FUT8: variants seen among roughly 807,000 people sequenced by gnomAD.
FUT8 encodes fucosyltransferase 8.
Under a neutral mutation model 71.3 loss-of-function variants are expected in FUT8, and 29 were observed. The ratio of observed to expected loss-of-function variants is 0.41; its 90% confidence interval spans 0.30 to 0.55. The LOEUF (loss-of-function observed/expected upper bound fraction) is 0.55. Ranked by LOEUF, FUT8 falls within the 20% of genes least tolerant of loss-of-function variation. The pLI is 0.34. For synonymous variants in FUT8, 254 were observed against 239.3 expected (o/e 1.06, Z -0.57); for missense variants, 544 against 702.1 (o/e 0.77, Z 2.55).
intron 6 of FUT8, among the ~76,000 whole-genome samples, chr14:65,658,309 G>C (rs927766130): frequency 1.4e-4 from 22 of 152,182 alleles, no homozygotes; most frequent in Admixed American, 1.2e-3. Flanking sequence ...CAAGAATGTG[G>C]AACAACCAGC....
chr14:65,596,297 AACT>A (rs1320156905), intron 3 of FUT8, among the ~76,000 whole-genome samples: 1 of 152,228 alleles, frequency 6.6e-6, no homozygotes, highest in Non-Finnish European at 1.5e-5. Flanking sequence ...CTATAATAAA[AACT>A]ACATCTTTTT....
At chr14:65,441,809 T>A (rs1040547536) in intron 1 of FUT8, among the ~76,000 whole-genome samples, 4 of 151,468 alleles carry the variant, frequency 2.6e-5, no homozygotes, top group Non-Finnish European at 4.4e-5. Context: ...TTTTTTTTTT[T>A]TAATTATACT....
intron 3 of FUT8, among the ~76,000 whole-genome samples, chr14:65,567,477 G>T (rs529591302): frequency 6.6e-6 from 1 of 151,962 alleles, no homozygotes; most frequent in East Asian, 1.9e-4. Flanking sequence ...GGTTGCCTTT[G>T]TTCTAGTTGG....
intron 3 of FUT8, among the ~76,000 whole-genome samples, chr14:65,606,046 A>G (rs965319959): frequency 2.7e-5 from 4 of 148,744 alleles, no homozygotes; most frequent in African/African-American, 4.9e-5. Context: ...TGACTTGTCT[A>G]TTAATTTTAT....
chr14:65,486,253 A>AT (rs951089915), intron 2 of FUT8, among the ~76,000 whole-genome samples: 8 of 152,152 alleles, frequency 5.3e-5, no homozygotes, highest in African/African-American at 1.9e-4. Flanking sequence ...TTTAAAAGGT[A>AT]TTTTTTTCCA....
chr14:65,701,524 A>T (rs1894294561), intron 7 of FUT8, among the ~76,000 whole-genome samples: 1 of 152,180 alleles, frequency 6.6e-6, no homozygotes, highest in Admixed American at 6.5e-5. Context: ...TCATTCTCTA[A>T]GGGTATTATT....
chr14:65,547,788 C>T (rs1594758743), intron 2 of FUT8, among the ~76,000 whole-genome samples: 1 of 151,784 alleles, frequency 6.6e-6, no homozygotes, highest in East Asian at 1.9e-4. Context: ...TCACTGTATA[C>T]TCTTTGCCCA....
intron 3 of FUT8, among the ~76,000 whole-genome samples, chr14:65,611,510 G>A (rs1322712529): frequency 2.0e-5 from 3 of 151,020 alleles, no homozygotes; most frequent in Non-Finnish European, 4.4e-5. Context: ...CACTTAATTG[G>A]AGTTTCATTT....
intron 3 of FUT8, among the ~76,000 whole-genome samples, chr14:65,592,333 AT>A (rs995382865): frequency 6.6e-6 from 1 of 151,672 alleles, no homozygotes; most frequent in African/African-American, 2.4e-5. Context: ...CCTATTATCT[AT>A]TTTTTTTCCT....
intron 7 of FUT8, among the ~76,000 whole-genome samples, chr14:65,684,470 A>G (rs1335781459): frequency 6.6e-6 from 1 of 152,278 alleles, no homozygotes; most frequent in African/African-American, 2.4e-5. Context: ...CCCTCTATCT[A>G]CTCATGTCAT....
At chr14:65,568,830 TA>T (rs1188330979) in intron 3 of FUT8, among the ~76,000 whole-genome samples, 1 of 151,760 alleles carries the variant, frequency 6.6e-6, no homozygotes, top group East Asian at 1.9e-4. Flanking sequence ...ATTGGCCACA[TA>T]TTTTTTCTTT....
the FUT8 span, among the ~76,000 whole-genome samples, chr14:65,383,396 T>C: frequency 1.3e-5 from 2 of 148,352 alleles, no homozygotes; most frequent in Non-Finnish European, 3.0e-5. Flanking sequence ...TGCCTCAGCC[T>C]CTCACGTGGC....
At chr14:65,384,473 C>A in the FUT8 span, among the ~76,000 whole-genome samples, 1 of 152,150 alleles carries the variant, frequency 6.6e-6, no homozygotes, top group Non-Finnish European at 1.5e-5. The surrounding 1 kb of genome is among the most constrained non-coding windows in gnomAD (Gnocchi z 4.2). Flanking sequence ...CAAATGTCAC[C>A]TTTTATGTAA....
In FUT8 at chr14:65,467,400, C is replaced by T. The variant is rs910519627; in HGVS notation, c.-228+11682C>T. On this transcript the variant is annotated intron_variant, in intron 2 of 10. Coordinates refer to ENST00000673929, the MANE Select transcript of FUT8 (RefSeq NM_001371533.1). The surrounding 1 kb of genome is among the most constrained non-coding windows in gnomAD (Gnocchi z 4.1). ...GCAACCACTGCCTCCCGGGTTCAAGCGATTCTCCTGCCTCAGCCTCCTAAG... is the reference window on the plus strand; with the variant it reads ...GCAACCACTGCCTCCCGGGTTCAAGTGATTCTCCTGCCTCAGCCTCCTAAG... Among the ~76,000 whole-genome samples the T allele has an allele frequency of 1.6e-4, 24 of 152,128 alleles. No individual in the cohort carries two copies. The highest frequency in any genetic ancestry group is 3.4e-4 in the African/African-American group (14 of 41,490).
intron 6 of FUT8, among the ~76,000 whole-genome samples, chr14:65,633,692 AGC>A (rs1005022164): frequency 2.1e-5 from 3 of 143,274 alleles, no homozygotes; most frequent in African/African-American, 7.9e-5. Context: ...GGAGGTGAGG[AGC>A]GTCTCTGCCC....
chr14:65,517,843 T>C (rs886098209), intron 2 of FUT8, among the ~76,000 whole-genome samples: 1 of 152,314 alleles, frequency 6.6e-6, no homozygotes, highest in African/African-American at 2.4e-5. Flanking sequence ...GAACTACATA[T>C]ATGTTTCAAG....
In FUT8 at chr14:65,743,953, T is replaced by C. The variant is rs1000065046; in HGVS notation, c.*1543T>C. The C allele has an allele frequency of 6.6e-5, 10 of 151,870 alleles. No individual in the cohort carries two copies. The highest frequency in any genetic ancestry group is 2.4e-4 in the African/African-American group (10 of 41,382). The allele number at this position is 151,870 out of a possible 1,614,324, so 9.4% of individuals were successfully genotyped here. On this transcript the variant is annotated 3_prime_UTR_variant, in exon 11 of 11. Coordinates refer to ENST00000673929, the MANE Select transcript of FUT8 (RefSeq NM_001371533.1). ...GGCAGAAGAGCTATTAGTCCTGGCCTTCATATCTTCACCAAATGAAAATAC... is the reference window on the plus strand; with the variant it reads ...GGCAGAAGAGCTATTAGTCCTGGCCCTCATATCTTCACCAAATGAAAATAC...
At chr14:65,485,618 C>G (rs1052853436) in intron 2 of FUT8, among the ~76,000 whole-genome samples, 2 of 152,174 alleles carry the variant, frequency 1.3e-5, no homozygotes, top group Non-Finnish European at 2.9e-5. Flanking sequence ...TTTTCCCCAG[C>G]CTCCAGTAGT....
chr14:65,499,712 C>T (rs1230144608), intron 2 of FUT8, among the ~76,000 whole-genome samples: 1 of 151,322 alleles, frequency 6.6e-6, no homozygotes, highest in Non-Finnish European at 1.5e-5. Context: ...ACATGGGAGG[C>T]TGAGGCAGGA....
Sources: gnomAD v4.1 joint callset for allele counts (sites outside exome capture counted in the v4.1 genomes callset) on GRCh38, gnomAD v4.1.1 for gene constraint, Gnocchi (gnomAD v3.1) non-coding constraint, MANE v1.5 for transcripts, NCBI Gene and HGNC (gene_info 2026-07-23, HGNC 2026-07-21) for gene names.